The following CALN1 variants were observed in gnomAD, a reference collection of about 807,000 sequenced individuals.
The protein encoded by CALN1 is calneuron 1.
A neutral mutation model predicts 30.6 loss-of-function variants in CALN1; 17 were observed. The observed-to-expected ratio is 0.56, with a 90% confidence interval of 0.38 to 0.83. The LOEUF is 0.83. CALN1 is among the 40% of genes least tolerant of loss of function. The pLI is 0.00. For missense variants in CALN1, 291 were observed against 354.9 expected, an observed-to-expected ratio of 0.82 and a Z score of 1.45; for synonymous variants, 156 against 131.4, an observed-to-expected ratio of 1.19 and a Z score of -1.28.
intron 2 of CALN1, among the ~76,000 whole-genome samples, chr7:72,385,174 C>A (rs189323901): frequency 1.5e-3 from 236 of 152,270 alleles, no homozygotes; most frequent in African/African-American, 5.0e-3. Flanking sequence ...AAATGTGAAG[C>A]AACAAGAACT....
chr7:72,111,940 G>A (rs557301244), intron 3 of CALN1, among the ~76,000 whole-genome samples: 3 of 151,600 alleles, frequency 2.0e-5, no homozygotes, highest in Non-Finnish European at 2.9e-5. Context: ...TAGTAGAGAC[G>A]GTGTTTCACT....
rs1248473733 is a variant in CALN1 at position 72,393,729 on chromosome 7, A to C, written c.119+9522T>G. ...TGCCTAGGAGTCGGCCATTTAGCTT[A>C]TTGACCATAGAGCTTTTTTTTTTTT... On this transcript the variant is annotated intron_variant, in intron 2 of 6. Transcript: ENST00000395275. Among the ~76,000 whole-genome samples, 5 of 144,852 alleles carry C rather than the reference A, an allele frequency of 3.5e-5. No individual in the cohort carries two copies. In the East Asian group the frequency reaches 1.0e-3, roughly 30 times the overall value.
chr7:72,293,466 C>T (rs760759421), intron 2 of CALN1, among the ~76,000 whole-genome samples: 3 of 152,156 alleles, frequency 2.0e-5, no homozygotes, highest in Non-Finnish European at 4.4e-5. Context: ...ATACCCCAGC[C>T]TCTCTCTTTT....
intron 5 of CALN1, among the ~76,000 whole-genome samples, chr7:71,832,723 C>T (rs1789363196): frequency 6.6e-6 from 1 of 152,086 alleles, no homozygotes; most frequent in Non-Finnish European, 1.5e-5. Flanking sequence ...ACCTCAGCCT[C>T]CTGAGTAGCT....
At chr7:72,199,539 G>A (rs948150954) in intron 3 of CALN1, among the ~76,000 whole-genome samples, 2 of 152,138 alleles carry the variant, frequency 1.3e-5, no homozygotes, top group Non-Finnish European at 2.9e-5. Context: ...GGGCAACATA[G>A]TGAGACCACA....
intron 2 of CALN1, among the ~76,000 whole-genome samples, chr7:72,304,499 A>T (rs181463310): frequency 0.011 from 1,654 of 152,260 alleles, 85 homozygotes; most frequent in Admixed American, 0.085. Flanking sequence ...AATGAATTTT[A>T]AAAAAAATCA....
chr7:72,297,598 T>C (rs1482303293), intron 2 of CALN1, among the ~76,000 whole-genome samples: 1 of 152,218 alleles, frequency 6.6e-6, no homozygotes, highest in Admixed American at 6.5e-5. Context: ...TTGAAAACCT[T>C]GACATAACAC....
rs1208303629 is a variant in CALN1 at position 72,403,459 on chromosome 7, G to A, written c.-73-17C>T. ...ACTGAGACTCTGAAAGGAGTTGACA[G>A]AAACTTACAGCCTGCACAGTGCTGG... is the stretch of plus-strand genomic sequence containing the variant. On this transcript the variant is annotated splice_polypyrimidine_tract_variant and intron_variant, in intron 1 of 6. Coordinates refer to ENST00000395275, the MANE Select transcript of CALN1 (RefSeq NM_031468.4). 4.0e-6 allele frequency: 4 copies of A among 1,011,346 alleles called. No individual in the cohort carries two copies. Among genetic ancestry groups the A allele is most frequent in the Non-Finnish European group, 5.8e-6 (4 of 694,258 alleles). The allele number at this position is 1,011,346 out of a possible 1,614,324, so 62.6% of individuals were successfully genotyped here.
chr7:71,926,996 C>T (rs1000647535), intron 5 of CALN1, among the ~76,000 whole-genome samples: 2 of 152,136 alleles, frequency 1.3e-5, no homozygotes, highest in African/African-American at 4.8e-5. Context: ...CTGTTGATTA[C>T]TTTGACTCTT....
chr7:72,493,928 T>C, the CALN1 span, among the ~76,000 whole-genome samples: 2 of 152,204 alleles, frequency 1.3e-5, no homozygotes, highest in Admixed American at 1.3e-4. Context: ...GAAGCAATTA[T>C]TCCCAAAATA....
At chr7:72,410,798 C>T (rs967114187) in intron 1 of CALN1, among the ~76,000 whole-genome samples, 2 of 150,994 alleles carry the variant, frequency 1.3e-5, no homozygotes, top group Non-Finnish European at 3.0e-5. Context: ...CACGAGCCAG[C>T]ACCCTACCTT....
At chr7:71,845,104 G>A (rs553195095) in intron 5 of CALN1, among the ~76,000 whole-genome samples, 16 of 152,002 alleles carry the variant, frequency 1.1e-4, no homozygotes, top group Admixed American at 1.0e-3. Context: ...GGCTGGTCTC[G>A]AACTCCTGAC....
At chr7:72,075,986 G>C in intron 4 of CALN1, among the ~76,000 whole-genome samples, 1 of 152,102 alleles carries the variant, frequency 6.6e-6, no homozygotes, top group South Asian at 2.1e-4. Flanking sequence ...AGGAGAGGAA[G>C]GATAAAGCCC....
chr7:72,021,524 T>C (rs1800708181), intron 5 of CALN1, among the ~76,000 whole-genome samples: 1 of 152,110 alleles, frequency 6.6e-6, no homozygotes, highest in African/African-American at 2.4e-5. Flanking sequence ...AACTGAAGGT[T>C]CCATGAGCAC....
At position 72,054,506 on chromosome 7, in the gene CALN1, T is replaced by C. The variant is rs1803101950; in HGVS notation, c.389-30737A>G. On this transcript the variant is annotated intron_variant, in intron 4 of 6. Transcript: ENST00000395275. ...ATATATATATACATATATACATATATATACATATATATACATATATACATA... is the reference window on the plus strand; with the variant it reads ...ATATATATATACATATATACATATACATACATATATATACATATATACATA... Among the ~76,000 whole-genome samples, 3 of 115,030 alleles carry C rather than the reference T, an allele frequency of 2.6e-5. No homozygotes were observed. In the South Asian group the frequency reaches 9.7e-4, roughly 37 times the overall value. The allele number at this position is 115,030 out of a possible 152,430, so 75.5% of individuals were successfully genotyped here.
At position 72,305,178 on chromosome 7, in the gene CALN1, G is replaced by A. The variant is rs1249963727; in HGVS notation, c.120-26368C>T. ...CCATCCCAATTTTGATTTTGATTGGGACTGGCCCCCAGAGAACTGCGGAGG... is the reference window on the plus strand; with the variant it reads ...CCATCCCAATTTTGATTTTGATTGGAACTGGCCCCCAGAGAACTGCGGAGG... On this transcript the variant is annotated intron_variant, in intron 2 of 6. Coordinates refer to ENST00000395275, the MANE Select transcript of CALN1 (RefSeq NM_031468.4). Among the ~76,000 whole-genome samples, 11 of 152,306 alleles carry A rather than the reference G, an allele frequency of 7.2e-5. No individual in the cohort carries two copies. The East Asian group carries it at 2.1e-3, about 29-fold the overall frequency.
At chr7:72,231,920 G>A (rs895399173) in intron 3 of CALN1, among the ~76,000 whole-genome samples, 2 of 152,160 alleles carry the variant, frequency 1.3e-5, no homozygotes, top group Admixed American at 6.5e-5. Flanking sequence ...TGCACTGGGG[G>A]GCAGGAGAGA....
chr7:71,901,426 C>CAA (rs35289312), intron 5 of CALN1, among the ~76,000 whole-genome samples: 3,045 of 132,594 alleles, frequency 0.023, 100 homozygotes, highest in African/African-American at 0.074. Context: ...CATATGGAAC[C>CAA]AAAAAAAAAA....
chr7:72,429,915 G>A (rs1356100140), intron 1 of CALN1, among the ~76,000 whole-genome samples: 1 of 150,634 alleles, frequency 6.6e-6, no homozygotes, highest in Non-Finnish European at 1.5e-5. Context: ...GTCCCACTGG[G>A]TTCAAGTGAT....
Sources: gnomAD v4.1 joint callset for allele counts (sites outside exome capture counted in the v4.1 genomes callset) on GRCh38, gnomAD v4.1.1 for gene constraint, MANE v1.5 for transcripts, NCBI Gene and HGNC (gene_info 2026-07-23, HGNC 2026-07-21) for gene names.